NEXMIF: variants seen among roughly 807,000 people sequenced by gnomAD.
NEXMIF encodes neurite extension and migration factor, also known as XLMR protein related to neurite extension.
Under a neutral mutation model 62.1 loss-of-function variants are expected in NEXMIF, and 8 were observed. The observed-to-expected ratio is 0.13, with a 90% confidence interval of 0.08 to 0.23. The LOEUF is 0.23. Ranked by LOEUF, NEXMIF falls within the 10% of genes least tolerant of loss-of-function variation. The pLI, the probability that NEXMIF is intolerant of heterozygous loss-of-function variation, is 1.00. For missense variants in NEXMIF, 976 were observed against 1,113.3 expected, an observed-to-expected ratio of 0.88 and a Z score of 1.75; for synonymous variants, 404 against 416.6, an observed-to-expected ratio of 0.97 and a Z score of 0.37.
chrX:74,922,543 C>G (rs967598343), intron 1 of NEXMIF, among the ~76,000 whole-genome samples: 1 of 112,179 alleles, frequency 8.9e-6, no homozygotes, highest in Non-Finnish European at 1.9e-5. Flanking sequence ...CTTTCTCTAG[C>G]TTACTGCACA....
chrX:74,857,856 A>G (rs2080540995), intron 1 of NEXMIF, among the ~76,000 whole-genome samples: 1 of 111,699 alleles, frequency 9.0e-6, no homozygotes, highest in Admixed American at 9.5e-5. Context: ...TCAAGTGAAC[A>G]TTGGCAGTAG....
intron 1 of NEXMIF, among the ~76,000 whole-genome samples, chrX:74,889,791 C>A (rs1157798917): frequency 9.0e-6 from 1 of 111,317 alleles, no homozygotes; most frequent in African/African-American, 3.3e-5. Flanking sequence ...GAGATATACA[C>A]TGTGTACATC....
rs752502459 is a variant in NEXMIF, at chrX:74,749,743, T to G, written c.-47-4046A>C. Among the ~76,000 whole-genome samples, 3 of 111,401 alleles carry G rather than the reference T, an allele frequency of 2.7e-5. No homozygotes were observed. In the East Asian group the frequency reaches 8.5e-4, roughly 32 times the overall value. The stretch of plus-strand genomic sequence containing the variant: ...GTCATTCTCTGTATTCTCAAAGAAT[T>G]TTTATCTCCTCTGTGTTTATCATCT... On this transcript the variant is annotated intron_variant, in intron 1 of 3. Coordinates refer to ENST00000055682, the MANE Select transcript of NEXMIF (RefSeq NM_001008537.3).
Position 74,743,916 on chromosome X carries a change from G to T in NEXMIF, c.641C>A (p.Ala214Glu). ...TTTCTCAGTTTCTCGTCTGTCTCCT[G>T]CCCTTGACTTATGCAGGGGGAAGCC... is the stretch of plus-strand genomic sequence containing the variant. ...LLGFPLHKSR[A>E]GDRRETEKPD... The change falls in exon 3 of 4, where the codon GCA (alanine) becomes GAA (glutamate). Residue 214 changes from alanine (A) to glutamate (E), a missense_variant. By Grantham distance (107) the Ala-to-Glu change is moderately radical (BLOSUM62 -1). Coordinates refer to ENST00000055682, the MANE Select transcript of NEXMIF (RefSeq NM_001008537.3). 1 of 1,211,103 alleles carries T rather than the reference G, an allele frequency of 8.3e-7. No homozygotes were observed. The highest frequency in any genetic ancestry group is 3.0e-5 in the East Asian group (1 of 33,831).
chrX:74,743,920 T>G lies in NEXMIF; in HGVS notation c.637A>C (p.Arg213=), dbSNP rs767229255. The change falls in exon 3 of 4, where the codon AGG becomes CGG. Residue 213 remains arginine (R), a synonymous_variant. Coordinates refer to ENST00000055682, the MANE Select transcript of NEXMIF (RefSeq NM_001008537.3). ...QLLGFPLHKS[R]AGDRRETEKP... ...TCAGTTTCTCGTCTGTCTCCTGCCC[T>G]TGACTTATGCAGGGGGAAGCCTAGG... 40 of 1,209,460 alleles carry G rather than the reference T, an allele frequency of 3.3e-5. No individual in the cohort carries two copies. The highest frequency in any genetic ancestry group is 4.4e-5 in the Admixed American group (2 of 45,732).
At chrX:74,877,154 G>A (rs958014037) in intron 1 of NEXMIF, among the ~76,000 whole-genome samples, 3 of 111,346 alleles carry the variant, frequency 2.7e-5, no homozygotes, top group Non-Finnish European at 5.6e-5. Context: ...CATGTTTAGC[G>A]CTTCCTTCAG....
intron 1 of NEXMIF, among the ~76,000 whole-genome samples, chrX:74,901,440 A>G (rs1602272115): frequency 8.9e-6 from 1 of 111,836 alleles, no homozygotes; most frequent in East Asian, 2.8e-4. Flanking sequence ...AATTTGTTGC[A>G]CAAAGCACCT....
At chrX:74,867,858 T>G (rs2080585889) in intron 1 of NEXMIF, among the ~76,000 whole-genome samples, 1 of 111,989 alleles carries the variant, frequency 8.9e-6, no homozygotes. Flanking sequence ...ACCTACAGAA[T>G]GGGAGAAATT....
At chrX:74,755,445 T>A (rs1429851904) in intron 1 of NEXMIF, among the ~76,000 whole-genome samples, 1 of 111,529 alleles carries the variant, frequency 9.0e-6, no homozygotes, top group South Asian at 3.8e-4. Context: ...TTGATTTTAC[T>A]TTCAAAATAT....
intron 1 of NEXMIF, among the ~76,000 whole-genome samples, chrX:74,800,720 T>C (rs1422753041): frequency 1.8e-5 from 2 of 111,521 alleles, no homozygotes; most frequent in African/African-American, 3.3e-5. Context: ...ATTGTATAGA[T>C]AGGCCATACA....
rs747793038 is a variant in NEXMIF at position 74,894,384 on chromosome X, A to T, written c.-48+30499T>A. On this transcript the variant is annotated intron_variant, in intron 1 of 3. Coordinates refer to ENST00000055682, the MANE Select transcript of NEXMIF (RefSeq NM_001008537.3). ...GACGGCATTACAACTGATACTTCAGAAATCCAAAGGATCATTAGTAGCTAC... is the reference window on the plus strand; with the variant it reads ...GACGGCATTACAACTGATACTTCAGTAATCCAAAGGATCATTAGTAGCTAC... Among the ~76,000 whole-genome samples the T allele has an allele frequency of 2.7e-5, 3 of 112,150 alleles. No individual in the cohort carries two copies. The East Asian group carries it at 8.4e-4, about 31-fold the overall frequency.
At chrX:74,788,397 C>T (rs1273253582) in intron 1 of NEXMIF, among the ~76,000 whole-genome samples, 1 of 111,007 alleles carries the variant, frequency 9.0e-6, no homozygotes, top group Non-Finnish European at 1.9e-5. Flanking sequence ...TTATAAAGTC[C>T]TTCAATATAT....
At chrX:74,769,576 G>A (rs778953113) in intron 1 of NEXMIF, 10 of 440,530 alleles carry the variant, frequency 2.3e-5, no homozygotes, top group South Asian at 8.3e-5. Flanking sequence ...CTGAGAAACC[G>A]ACCAATTTTG....
intron 1 of NEXMIF, among the ~76,000 whole-genome samples, chrX:74,881,893 G>A (rs1164980949): frequency 1.8e-5 from 2 of 111,635 alleles, no homozygotes; most frequent in Non-Finnish European, 3.8e-5. Flanking sequence ...ACAGGAAAGG[G>A]CCTCTGCCAC....
chrX:74,797,267 T>G (rs1382486688), intron 1 of NEXMIF, among the ~76,000 whole-genome samples: 1 of 112,130 alleles, frequency 8.9e-6, no homozygotes, highest in African/African-American at 3.2e-5. Context: ...GATCCTGATA[T>G]TTTAGAAAAA....
intron 1 of NEXMIF, among the ~76,000 whole-genome samples, chrX:74,877,851 T>C (rs1317759554): frequency 8.9e-6 from 1 of 112,002 alleles, no homozygotes; most frequent in African/African-American, 3.2e-5. Context: ...TCAGCTCCTT[T>C]AAGCACTTCT....
intron 1 of NEXMIF, among the ~76,000 whole-genome samples, chrX:74,921,614 G>C (rs187294866): frequency 9.0e-6 from 1 of 111,272 alleles, no homozygotes; most frequent in Non-Finnish European, 1.9e-5. Flanking sequence ...CATAGAGAAC[G>C]TAACAAGTGC....
At chrX:74,832,850 T>A (rs2147485008) in intron 1 of NEXMIF, among the ~76,000 whole-genome samples, 1 of 112,154 alleles carries the variant, frequency 8.9e-6, no homozygotes, top group African/African-American at 3.2e-5. Flanking sequence ...ATTTCCAATT[T>A]CCTTCTTAAT....
At chrX:74,890,093 C>T (rs1374033859) in intron 1 of NEXMIF, among the ~76,000 whole-genome samples, 1 of 109,073 alleles carries the variant, frequency 9.2e-6, no homozygotes, top group Non-Finnish European at 1.9e-5. Flanking sequence ...CTCAATACAA[C>T]ACACATTCCA....
Sources: allele counts gnomAD v4.1 joint callset (sites outside exome capture counted in the v4.1 genomes callset), GRCh38; gene constraint gnomAD v4.1.1; transcripts MANE v1.5; gene names NCBI Gene and HGNC (gene_info 2026-07-23, HGNC 2026-07-21).